Variants in CAB39 observed in about 807,000 individuals in gnomAD.
CAB39 encodes the protein calcium binding protein 39.
Under a neutral mutation model 40.0 loss-of-function variants are expected in CAB39, and 8 were observed. The ratio of observed to expected loss-of-function variants is 0.20; its 90% CI spans 0.12 to 0.36. The LOEUF (loss-of-function observed/expected upper bound fraction) is 0.36, where lower values mean the gene tolerates loss of function less well. Ranked by LOEUF, CAB39 falls within the 10% of genes least tolerant of loss-of-function variation. CAB39 has a pLI of 1.00. For missense variants in CAB39, 270 were observed against 401.1 expected (o/e 0.67, Z 2.79); for synonymous variants, 156 against 141.6 (o/e 1.10, Z -0.72).
intron 2 of CAB39, among the ~76,000 whole-genome samples, chr2:230,787,703 C>T (rs1695817115): frequency 6.6e-6 from 1 of 152,174 alleles, no homozygotes; most frequent in Admixed American, 6.5e-5. Context: ...CTGGTGTCTT[C>T]TGCATTGTAC....
intron 1 of CAB39, among the ~76,000 whole-genome samples, chr2:230,744,110 G>A (rs1575915063): frequency 6.6e-6 from 1 of 151,652 alleles, no homozygotes; most frequent in African/African-American, 2.4e-5. Flanking sequence ...TAGTAGAAAC[G>A]GGTTCACCAT....
intron 2 of CAB39, among the ~76,000 whole-genome samples, chr2:230,777,565 A>G (rs887790707): frequency 6.6e-6 from 1 of 151,912 alleles, no homozygotes; most frequent in East Asian, 1.9e-4. Flanking sequence ...GATTACAGGT[A>G]CCTGGCTGAT....
chr2:230,818,243 T>C, intron 8 of CAB39: 2 of 452,020 alleles, frequency 4.4e-6, no homozygotes, highest in Non-Finnish European at 7.8e-6. Context: ...TTTCTGCCCA[T>C]TTTATTCTAA....
At chr2:230,793,612 A>G (rs1695927748) in intron 4 of CAB39, among the ~76,000 whole-genome samples, 1 of 152,166 alleles carries the variant, frequency 6.6e-6, no homozygotes, top group Admixed American at 6.5e-5. Context: ...CTGTGGTCTT[A>G]TTTCTGTTCT....
intron 1 of CAB39, among the ~76,000 whole-genome samples, chr2:230,750,376 C>T (rs115131189): frequency 6.5e-4 from 99 of 152,316 alleles, no homozygotes; most frequent in African/African-American, 2.4e-3. Context: ...TGTCCACCTC[C>T]TCTTCACCAT....
intron 2 of CAB39, among the ~76,000 whole-genome samples, chr2:230,786,163 CAA>C (rs369510604): frequency 9.7e-3 from 701 of 72,600 alleles, no homozygotes; most frequent in African/African-American, 0.027. Context: ...GACTCTGTCT[CAA>C]AAAAAAAAAA....
intron 2 of CAB39, among the ~76,000 whole-genome samples, chr2:230,785,532 G>A (rs913332742): frequency 2.6e-5 from 4 of 151,874 alleles, no homozygotes; most frequent in African/African-American, 9.7e-5. Context: ...AACAGGCAGG[G>A]TGAGTTCCTA....
intron 2 of CAB39, among the ~76,000 whole-genome samples, chr2:230,760,367 AATTT>A (rs1695268037): frequency 6.6e-6 from 1 of 151,992 alleles, no homozygotes; most frequent in South Asian, 2.1e-4. Context: ...GTTTGATTCT[AATTT>A]ATTTATTTAT....
At chr2:230,748,541 C>T (rs1695016035) in intron 1 of CAB39, among the ~76,000 whole-genome samples, 1 of 151,966 alleles carries the variant, frequency 6.6e-6, no homozygotes, top group Non-Finnish European at 1.5e-5. Context: ...TGCGGTGGCT[C>T]ATGCCTGTAA....
intron 2 of CAB39, among the ~76,000 whole-genome samples, chr2:230,779,741 T>C (rs997736243): frequency 2.1e-4 from 32 of 152,174 alleles, no homozygotes; most frequent in African/African-American, 7.7e-4. Flanking sequence ...ATGAGAGGTA[T>C]GTGTGAAAGG....
At chr2:230,810,703 CAG>C in intron 6 of CAB39, among the ~76,000 whole-genome samples, 1 of 152,346 alleles carries the variant, frequency 6.6e-6, no homozygotes, top group East Asian at 1.9e-4. Flanking sequence ...AGGATGAGAG[CAG>C]CACTGGCCAG....
At chr2:230,729,106 T>C (rs773662754) in intron 1 of CAB39, among the ~76,000 whole-genome samples, 1 of 152,246 alleles carries the variant, frequency 6.6e-6, no homozygotes, top group Non-Finnish European at 1.5e-5. Context: ...TTATGAAATA[T>C]AGGCCAAAAG....
At position 230,712,898 on chromosome 2, in the gene CAB39, G is replaced by C. The variant is rs1461835555; in HGVS notation, c.-376G>C. ...GCAAGCGGGGCGAGGGGTTCGGGGAGCGGCGCGGCCTGGGAGACACAGAGC... is the reference window on the plus strand; with the variant it reads ...GCAAGCGGGGCGAGGGGTTCGGGGACCGGCGCGGCCTGGGAGACACAGAGC... On this transcript the variant is annotated 5_prime_UTR_variant, in exon 1 of 9. Coordinates refer to ENST00000258418, the MANE Select transcript of CAB39 (RefSeq NM_016289.4). The C allele has an allele frequency of 6.6e-6, 1 of 151,958 alleles. No homozygotes were observed. The highest frequency in any genetic ancestry group is 1.5e-5 in the Non-Finnish European group (1 of 68,060). 9.4% of individuals were successfully genotyped at this position (151,958 alleles called of 1,614,324 possible).
chr2:230,790,907 G>C lies in CAB39; in HGVS notation c.150G>C (p.Met50Ile). The part of the protein sequence containing the change: ...TEEVSKNLVA[M>I]KEILYGTNEK... ...AAGTTTCCAAAAATCTGGTTGCCATGAAAGAAATTCTGTATGGCACAAATG... is the reference window on the plus strand; with the variant it reads ...AAGTTTCCAAAAATCTGGTTGCCATCAAAGAAATTCTGTATGGCACAAATG... Residue 50 changes from methionine (M) to isoleucine (I), a missense_variant, in exon 3 of 9, where the codon ATG becomes ATC. Physicochemically the swap from Met to Ile is conservative, Grantham distance 10. Coordinates refer to ENST00000258418, the MANE Select transcript of CAB39 (RefSeq NM_016289.4). 6.2e-7 allele frequency: 1 copy of C among 1,608,326 alleles called. No homozygotes were observed. The highest frequency in any genetic ancestry group is 8.5e-7 in the Non-Finnish European group (1 of 1,178,498).
chr2:230,732,948 C>T (rs916260209), intron 1 of CAB39, among the ~76,000 whole-genome samples: 2 of 152,112 alleles, frequency 1.3e-5, no homozygotes, highest in African/African-American at 4.8e-5. Context: ...GACTTCTTTA[C>T]GTTATCACTG....
chr2:230,722,045 CTTTT>C (rs879275195), intron 1 of CAB39, among the ~76,000 whole-genome samples: 1 of 137,238 alleles, frequency 7.3e-6, no homozygotes, highest in Non-Finnish European at 1.6e-5. Flanking sequence ...TTCACCAAGC[CTTTT>C]TTTTTTTTTT....
chr2:230,777,292 CCT>C (rs1253067223), intron 2 of CAB39, among the ~76,000 whole-genome samples: 2 of 151,620 alleles, frequency 1.3e-5, no homozygotes, highest in Non-Finnish European at 2.9e-5. Context: ...TTGTTTTCTC[CCT>C]CTCTCTGGGG....
intron 1 of CAB39, among the ~76,000 whole-genome samples, chr2:230,751,268 C>G (rs77938264): frequency 2.2e-4 from 33 of 152,290 alleles, no homozygotes; most frequent in African/African-American, 7.7e-4. Context: ...GTCTTGTGAG[C>G]TCAGCTGTCT....
At chr2:230,777,422 TG>T (rs1695613959) in intron 2 of CAB39, among the ~76,000 whole-genome samples, 1 of 151,612 alleles carries the variant, frequency 6.6e-6, no homozygotes, top group East Asian at 1.9e-4. Flanking sequence ...ATCTCAATTT[TG>T]TTTTTTTTTT....
Sources: allele counts gnomAD v4.1 joint callset (sites outside exome capture counted in the v4.1 genomes callset), GRCh38; gene constraint gnomAD v4.1.1; transcripts MANE v1.5; gene names NCBI Gene and HGNC (gene_info 2026-07-23, HGNC 2026-07-21).